Variants in WWTR1 observed in about 807,000 individuals in gnomAD.
The protein encoded by WWTR1 is WW domain-containing transcription regulator protein 1.
WWTR1 carries 13 observed loss-of-function variants against 40.1 expected under a neutral mutation model. The ratio of observed to expected loss-of-function variants is 0.32; its 90% CI spans 0.21 to 0.52. The LOEUF is 0.52. Among genes scored for constraint, WWTR1 ranks in the 20% least tolerant of loss-of-function variants. The pLI is 0.97. For missense variants in WWTR1, 436 were observed against 523.1 expected, an observed-to-expected ratio of 0.83 and a Z score of 1.63; for synonymous variants, 230 against 210.1, an observed-to-expected ratio of 1.09 and a Z score of -0.82.
intron 2 of WWTR1, chr3:149,649,887 A>C (rs865805847): frequency 6.9e-6 from 1 of 144,116 alleles, no homozygotes; most frequent in Non-Finnish European, 1.5e-5. Context: ...ATTGCACTCC[A>C]GCCTAGGCGA....
chr3:149,529,432 T>A (rs1389782339), intron 4 of WWTR1, among the ~76,000 whole-genome samples: 1 of 152,212 alleles, frequency 6.6e-6, no homozygotes, highest in Non-Finnish European at 1.5e-5. Context: ...AACTGTATTG[T>A]TAACTTATAC....
chr3:149,664,365 C>T (rs142422993), intron 2 of WWTR1, among the ~76,000 whole-genome samples: 2 of 152,312 alleles, frequency 1.3e-5, no homozygotes, highest in South Asian at 2.1e-4. Flanking sequence ...ACAAATCAAA[C>T]GTGATACTTG....
rs776843789 is a variant in WWTR1, at chr3:149,572,650, C to T, written c.568+214G>A. ...CCAGAACCACTTATGAGCCCCGCCA[C>T]CCCTTGATTGAACACCATTTCTTCA... On this transcript the variant is annotated intron_variant, in intron 3 of 6. Transcript: ENST00000360632. Among the ~76,000 whole-genome samples the T allele has an allele frequency of 8.6e-5, 13 of 151,886 alleles. 1 individual carries two copies. The highest frequency in any genetic ancestry group is 2.6e-4 in the Admixed American group (4 of 15,234).
At chr3:149,599,712 A>C (rs746132599) in intron 2 of WWTR1, among the ~76,000 whole-genome samples, 32 of 152,206 alleles carry the variant, frequency 2.1e-4, no homozygotes, top group Non-Finnish European at 3.4e-4. Flanking sequence ...TAAATCAAAA[A>C]TTTTTTAAAC....
At chr3:149,715,214 T>C (rs559514361) in intron 5 of WWTR1, among the ~76,000 whole-genome samples, 1 of 152,270 alleles carries the variant, frequency 6.6e-6, no homozygotes, top group South Asian at 2.1e-4. Flanking sequence ...CACCATGTTG[T>C]GGGTGAAGAG....
chr3:149,620,590 T>C (rs77832844), intron 2 of WWTR1, among the ~76,000 whole-genome samples: 2,246 of 148,956 alleles, frequency 0.015, 24 homozygotes, highest in Middle Eastern at 0.035. Flanking sequence ...ACACTCATCT[T>C]CTTTGTAAAA....
chr3:149,550,089 G>A (rs1365112572), intron 3 of WWTR1, among the ~76,000 whole-genome samples: 3 of 152,064 alleles, frequency 2.0e-5, no homozygotes, highest in African/African-American at 7.2e-5. Flanking sequence ...AACTAAAACT[G>A]GTTTGAAAAA....
In WWTR1 at chr3:149,548,548, C is replaced by T. The variant is rs531433613; in HGVS notation, c.569-6011G>A. 3.3e-5 allele frequency among the ~76,000 whole-genome samples: 5 copies of T among 152,280 alleles called. No individual in the cohort carries two copies. In the East Asian group the frequency reaches 5.8e-4, roughly 18 times the overall value. On this transcript the variant is annotated intron_variant, in intron 3 of 6. Transcript: ENST00000360632. ...AAAACCATAAGGGTAGGCTCAACTA[C>T]GAAAACCATAGCGGACAGGCCTGCA...
rs1267457628 is a variant in WWTR1, at chr3:149,568,001, AT to A, written c.568+4862del. 9.9e-5 allele frequency among the ~76,000 whole-genome samples: 15 copies of A among 151,950 alleles called. No individual in the cohort carries two copies. In the East Asian group the frequency reaches 2.1e-3, roughly 22 times the overall value. On this transcript the variant is annotated intron_variant, in intron 3 of 6. Coordinates refer to ENST00000360632, the MANE Select transcript of WWTR1 (RefSeq NM_015472.6). ...ATAACAGAGCCTGTGTAGGCAGTCTATTTTTTTCCCTCTTTTGTTTCCCTCT... is the reference window on the plus strand; with the variant it reads ...ATAACAGAGCCTGTGTAGGCAGTCTATTTTTTCCCTCTTTTGTTTCCCTCT...
Position 149,517,422 on chromosome 3 carries a change from A to G in WWTR1, c.*3383T>C, listed in dbSNP as rs1047813648. On this transcript the variant is annotated 3_prime_UTR_variant, in exon 7 of 7. Coordinates refer to ENST00000360632, the MANE Select transcript of WWTR1 (RefSeq NM_015472.6). ...AAGTAAAATTTTAAAAAGTTAAAGT[A>G]CTAGCACATATATGTGTTAGGAAAA... The G allele has an allele frequency of 2.0e-5, 3 of 152,246 alleles. No homozygotes were observed. Among genetic ancestry groups the G allele is most frequent in the Admixed American group, 2.0e-4 (3 of 15,288 alleles). 9.4% of individuals were successfully genotyped at this position (152,246 alleles called of 1,614,324 possible).
chr3:149,575,789 G>A (rs920839797), intron 2 of WWTR1, among the ~76,000 whole-genome samples: 40 of 152,156 alleles, frequency 2.6e-4, no homozygotes, highest in African/African-American at 8.9e-4. Context: ...AGTGGCAGAT[G>A]AGCTCATCTT....
intron 2 of WWTR1, among the ~76,000 whole-genome samples, chr3:149,652,481 A>G (rs1318804072): frequency 6.6e-6 from 1 of 151,234 alleles, no homozygotes; most frequent in African/African-American, 2.4e-5. Context: ...AAATTAGCCA[A>G]ATATGGTGGT....
chr3:149,560,525 A>G (rs559025719), intron 3 of WWTR1, among the ~76,000 whole-genome samples: 1 of 152,348 alleles, frequency 6.6e-6, no homozygotes, highest in South Asian at 2.1e-4. Context: ...TAATTAATTC[A>G]GGCATTACAG....
At chr3:149,600,239 A>G (rs767908857) in intron 2 of WWTR1, among the ~76,000 whole-genome samples, 14 of 152,226 alleles carry the variant, frequency 9.2e-5, no homozygotes, top group Non-Finnish European at 1.6e-4. Context: ...GCAAGGGCCT[A>G]TTAATAATAA....
intron 3 of WWTR1, among the ~76,000 whole-genome samples, chr3:149,548,349 G>C (rs1736464841): frequency 3.9e-5 from 6 of 152,202 alleles, no homozygotes; most frequent in Admixed American, 3.9e-4. Flanking sequence ...GACGATGAGG[G>C]AGGCCAGTGA....
rs546111070 is a variant in WWTR1 at position 149,688,833 on chromosome 3, C to T, written c.-108+14291G>A. On this transcript the variant is annotated intron_variant, in intron 1 of 7. Coordinates refer to the WWTR1 transcript ENST00000465804. ...GTAACCAATCCCAGAGTGACCGAGA[C>T]ATGCGACCTTTTAGAGACAGAATTC... Among the ~76,000 whole-genome samples, 9 of 152,284 alleles carry T rather than the reference C, an allele frequency of 5.9e-5. No individual in the cohort carries two copies. The East Asian group carries it at 1.3e-3, about 23-fold the overall frequency.
chr3:149,539,868 C>A (rs1329063642), intron 4 of WWTR1, among the ~76,000 whole-genome samples: 2 of 151,954 alleles, frequency 1.3e-5, no homozygotes, highest in African/African-American at 2.4e-5. Context: ...CTGGCAAATG[C>A]CCCAGAAAAC....
At chr3:149,635,695 G>A (rs1711784969) in intron 2 of WWTR1, among the ~76,000 whole-genome samples, 2 of 152,176 alleles carry the variant, frequency 1.3e-5, no homozygotes, top group South Asian at 4.1e-4. Context: ...GCATAAGTCT[G>A]AAGGACAGTC....
intron 2 of WWTR1, among the ~76,000 whole-genome samples, chr3:149,632,249 T>C (rs556122300): frequency 1.3e-5 from 2 of 152,324 alleles, no homozygotes; most frequent in Non-Finnish European, 2.9e-5. Context: ...TACTTATTTA[T>C]TTTTATAGCC....
Sources: gnomAD v4.1 joint callset for allele counts (sites outside exome capture counted in the v4.1 genomes callset) on GRCh38, gnomAD v4.1.1 for gene constraint, MANE v1.5 for transcripts, NCBI Gene and HGNC (gene_info 2026-07-23, HGNC 2026-07-21) for gene names.